The following RGS5 variants were observed in gnomAD, a reference collection of about 807,000 sequenced individuals.
RGS5 encodes regulator of G protein signaling 5.
A neutral mutation model predicts 18.9 loss-of-function variants in RGS5; 20 were observed. The ratio of observed to expected loss-of-function variants is 1.06; its 90% CI spans 0.74 to 1.54. RGS5 has a LOEUF of 1.54. Ranked by LOEUF, RGS5 falls within the 40% of genes most tolerant of loss-of-function variation. RGS5 has a pLI of 0.00. For missense variants in RGS5, 201 were observed against 211.8 expected (o/e 0.95, Z 0.32); for synonymous variants, 57 against 76.2 (o/e 0.75, Z 1.31).
intron 2 of RGS5, among the ~76,000 whole-genome samples, chr1:163,282,809 G>A (rs1649031749): frequency 6.6e-6 from 1 of 152,036 alleles, no homozygotes; most frequent in Admixed American, 6.6e-5. Flanking sequence ...AAGGAAATTA[G>A]TATATCAAAG....
intron 2 of RGS5, among the ~76,000 whole-genome samples, chr1:163,257,848 T>C (rs1648320253): frequency 6.6e-6 from 1 of 152,260 alleles, no homozygotes; most frequent in Admixed American, 6.5e-5. Flanking sequence ...ATAATACTTG[T>C]ATATTCCAGC....
intron 1 of RGS5, among the ~76,000 whole-genome samples, chr1:163,175,994 T>C (rs1292135580): frequency 6.6e-6 from 1 of 152,216 alleles, no homozygotes; most frequent in African/African-American, 2.4e-5. Context: ...TTCACTCATA[T>C]TAGTGATTAA....
chr1:163,272,422 T>C (rs551852780), intron 2 of RGS5, among the ~76,000 whole-genome samples: 1 of 152,242 alleles, frequency 6.6e-6, no homozygotes, highest in South Asian at 2.1e-4. Context: ...TGAAATAAAA[T>C]TCACTAATTT....
At chr1:163,170,972 T>C (rs961565396) in intron 1 of RGS5, among the ~76,000 whole-genome samples, 9 of 152,328 alleles carry the variant, frequency 5.9e-5, no homozygotes, top group Middle Eastern at 3.4e-3. Context: ...TAAGACTTTT[T>C]GAGATGATTA....
At position 163,184,052 on chromosome 1, in the gene RGS5, G is replaced by A. The variant is rs180953871; in HGVS notation, c.45-15684C>T. Among the ~76,000 whole-genome samples the A allele has an allele frequency of 5.4e-4, 82 of 152,182 alleles. 1 individual carries two copies. The highest frequency in any genetic ancestry group is 9.8e-4 in the Non-Finnish European group (67 of 68,022). ...GCAGTCTGCCCTGTGGTTCTTGCACGTTGAGGACTAAAGAATAGAAACTCC... is the reference window on the plus strand; with the variant it reads ...GCAGTCTGCCCTGTGGTTCTTGCACATTGAGGACTAAAGAATAGAAACTCC... On this transcript the variant is annotated intron_variant, in intron 1 of 4. Coordinates refer to ENST00000313961, the MANE Select transcript of RGS5 (RefSeq NM_003617.4).
Position 163,310,006 on chromosome 1 carries a change from G to T in RGS5, c.-377-3677C>A, listed in dbSNP as rs142173826. Among the ~76,000 whole-genome samples the T allele has an allele frequency of 2.4e-3, 370 of 152,300 alleles. 2 individuals are homozygous for T. The highest frequency in any genetic ancestry group is 8.5e-3 in the African/African-American group (352 of 41,560). Reference sequence around the variant, plus strand: ...GAACATTATTAATGAGCAGTAATATGAAATAAATCTCTTTTTTCCAGTCTC... The same window carrying T: ...GAACATTATTAATGAGCAGTAATATTAAATAAATCTCTTTTTTCCAGTCTC... On this transcript the variant is annotated intron_variant, in intron 1 of 5. Coordinates refer to the RGS5 transcript ENST00000618415.
intron 1 of RGS5, among the ~76,000 whole-genome samples, chr1:163,192,197 C>T (rs1405874143): frequency 6.6e-6 from 1 of 152,154 alleles, no homozygotes; most frequent in African/African-American, 2.4e-5. Context: ...GAAGGGATTA[C>T]AGGAAACCCC....
intron 1 of RGS5, among the ~76,000 whole-genome samples, chr1:163,186,647 C>T (rs1299767429): frequency 6.8e-6 from 1 of 147,758 alleles, no homozygotes; most frequent in East Asian, 2.0e-4. Context: ...GAATATATGA[C>T]CAAAATTCTT....
intron 4 of RGS5, among the ~76,000 whole-genome samples, chr1:163,151,362 G>T (rs1482429490): frequency 6.6e-6 from 1 of 152,090 alleles, no homozygotes; most frequent in East Asian, 1.9e-4. Context: ...AAAGAGAGGT[G>T]TTTAAAGGAA....
chr1:163,309,576 A>G (rs1337975002), intron 1 of RGS5, among the ~76,000 whole-genome samples: 1 of 152,126 alleles, frequency 6.6e-6, no homozygotes, highest in African/African-American at 2.4e-5. Flanking sequence ...ATTTAGTCAC[A>G]TCTTCAGGTG....
intron 2 of RGS5, among the ~76,000 whole-genome samples, chr1:163,261,881 A>AT (rs145604066): frequency 2.4e-4 from 37 of 151,926 alleles, no homozygotes; most frequent in African/African-American, 6.8e-4. Flanking sequence ...TTGCATTCCT[A>AT]TTTTTTTTTA....
intron 2 of RGS5, among the ~76,000 whole-genome samples, chr1:163,287,312 CT>C (rs1400472216): frequency 1.3e-5 from 2 of 152,158 alleles, no homozygotes; most frequent in Admixed American, 1.3e-4. Context: ...TCCTTATAGC[CT>C]TTATCTGGAA....
intron 2 of RGS5, among the ~76,000 whole-genome samples, chr1:163,258,666 T>A (rs1306659307): frequency 6.6e-6 from 1 of 151,896 alleles, no homozygotes; most frequent in African/African-American, 2.4e-5. Flanking sequence ...TGTGTGTGTG[T>A]GTGTGTGTAC....
chr1:163,302,389 A>G (rs539377819), intron 2 of RGS5, among the ~76,000 whole-genome samples: 4 of 152,262 alleles, frequency 2.6e-5, no homozygotes, highest in African/African-American at 7.2e-5. Flanking sequence ...TGATTTTCCC[A>G]CTTACCTATA....
chr1:163,151,143 C>A (rs181365017), intron 4 of RGS5, among the ~76,000 whole-genome samples: 5 of 152,264 alleles, frequency 3.3e-5, no homozygotes, highest in African/African-American at 1.2e-4. Flanking sequence ...AAGAAAAAAG[C>A]AGATCAACTT....
chr1:163,319,528 AG>A (rs1410718441), intron 1 of RGS5, among the ~76,000 whole-genome samples: 1 of 152,240 alleles, frequency 6.6e-6, no homozygotes, highest in African/African-American at 2.4e-5. Context: ...GTCAGGAATC[AG>A]GGAAAGAGCT....
chr1:163,221,139 CT>C (rs1647220533), upstream of RGS5, among the ~76,000 whole-genome samples: 2 of 152,084 alleles, frequency 1.3e-5, no homozygotes, highest in Non-Finnish European at 2.9e-5. Flanking sequence ...AAAATGATTC[CT>C]TTTATGGCTA....
intron 1 of RGS5, among the ~76,000 whole-genome samples, chr1:163,194,333 G>A (rs7521266): frequency 0.15 from 22,906 of 152,076 alleles, 1,776 homozygotes; most frequent in South Asian, 0.26. Context: ...CTACATTCAG[G>A]AGTTTGTTTC....
At chr1:163,247,698 T>G (rs1213565218) in intron 2 of RGS5, among the ~76,000 whole-genome samples, 5 of 151,998 alleles carry the variant, frequency 3.3e-5, no homozygotes. Context: ...AGTGATATTC[T>G]GAACCTTTTC....
Sources: gnomAD v4.1 joint callset for allele counts (sites outside exome capture counted in the v4.1 genomes callset) on GRCh38, gnomAD v4.1.1 for gene constraint, MANE v1.5 for transcripts, NCBI Gene and HGNC (gene_info 2026-07-23, HGNC 2026-07-21) for gene names.